Variants in NTRK1 observed in about 807,000 individuals in gnomAD.
NTRK1 encodes neurotrophic receptor tyrosine kinase 1, also known as high affinity nerve growth factor receptor.
A neutral mutation model predicts 86.8 loss-of-function variants in NTRK1; 62 were observed. The observed-to-expected ratio is 0.71, with a 90% CI of 0.58 to 0.88. The LOEUF (loss-of-function observed/expected upper bound fraction) is 0.88, where lower values mean the gene tolerates loss of function less well. Among genes scored for constraint, NTRK1 ranks in the 40% least tolerant of loss-of-function variants. The probability of loss-of-function intolerance (pLI) is 0.00; values close to 1 mark genes in which losing one functional copy is unlikely to be tolerated. For missense variants in NTRK1, 967 were observed against 1,078.4 expected (o/e 0.90, Z 1.45); for synonymous variants, 469 against 456.6 (o/e 1.03, Z -0.35).
At chr1:156,822,033 C>T (rs577483793) in intron 1 of NTRK1, among the ~76,000 whole-genome samples, 16 of 152,306 alleles carry the variant, frequency 1.1e-4, no homozygotes, top group African/African-American at 3.8e-4. Context: ...GCTTTGACGT[C>T]AGGCAGCTCT....
At position 156,854,258 on chromosome 1, in the gene NTRK1, T is replaced by C; in HGVS notation, c.51-10096T>C. The C allele has an allele frequency of 3.7e-6, 6 of 1,613,660 alleles. No individual in the cohort carries two copies. Among genetic ancestry groups the C allele is most frequent in the Non-Finnish European group, 5.1e-6 (6 of 1,179,958 alleles). On this transcript the variant is annotated intron_variant, in intron 2 of 16. Coordinates refer to the NTRK1 transcript ENST00000392302. The surrounding 1 kb of genome is among the most constrained non-coding windows in gnomAD (Gnocchi z 4.2). ...CTCCACCACGCTGCAGTTCTCCAGC[T>C]GACGAAGCTCTGCCACCTCTGAGCG...
chr1:156,841,639 A>G, intron 1 of NTRK1: 1 of 1,611,934 alleles, frequency 6.2e-7, no homozygotes, highest in Non-Finnish European at 8.5e-7. Flanking sequence ...ACATCCCTGG[A>G]GCCCTGTGCT....
intron 1 of NTRK1, among the ~76,000 whole-genome samples, chr1:156,835,866 C>A (rs1654585487): frequency 6.6e-6 from 1 of 152,222 alleles, no homozygotes; most frequent in Admixed American, 6.5e-5. Flanking sequence ...GGTACCCCTG[C>A]CTCCTTCACA....
At chr1:156,859,852 C>A (rs570847390), upstream of NTRK1, among the ~76,000 whole-genome samples, 4 of 152,258 alleles carry the variant, frequency 2.6e-5, no homozygotes, top group South Asian at 6.2e-4. The surrounding 1 kb of genome is among the most constrained non-coding windows in gnomAD (Gnocchi z 6.2). Context: ...CTTCCCTTCG[C>A]TCTCCCCAGC....
chr1:156,845,940 G>C, intron 2 of NTRK1: 5 of 1,609,080 alleles, frequency 3.1e-6, no homozygotes, highest in Non-Finnish European at 4.2e-6. Flanking sequence ...CCTGCGCGTC[G>C]TCCCTGCGCA....
intron 2 of NTRK1, among the ~76,000 whole-genome samples, chr1:156,848,066 T>TG (rs1268926400): frequency 1.3e-5 from 2 of 151,990 alleles, no homozygotes; most frequent in East Asian, 1.9e-4. Flanking sequence ...TCAGAATCAG[T>TG]GGGGGGCGAG....
intron 2 of NTRK1, chr1:156,844,574 T>A (rs1015488262): frequency 6.2e-7 from 1 of 1,613,908 alleles, no homozygotes; most frequent in African/African-American, 1.3e-5. Context: ...CCAGGTGGAC[T>A]CCCCCAAACT....
chr1:156,840,608 G>A (rs1312983491), intron 1 of NTRK1: 2 of 527,040 alleles, frequency 3.8e-6, no homozygotes, highest in Non-Finnish European at 6.9e-6. Context: ...ACCTCTGAGG[G>A]CAGGACATCT....
At chr1:156,842,040 T>A in intron 1 of NTRK1, 1 of 1,599,198 alleles carries the variant, frequency 6.3e-7, no homozygotes, top group Non-Finnish European at 8.5e-7. Context: ...GGGCTGTGGG[T>A]CTCCTGATGC....
Position 156,823,344 on chromosome 1 carries a change from G to T in NTRK1, c.-64+7506G>T, listed in dbSNP as rs529979813. Among the ~76,000 whole-genome samples, 8 of 152,306 alleles carry T rather than the reference G, an allele frequency of 5.3e-5. No individual in the cohort carries two copies. In the South Asian group the frequency reaches 1.5e-3, roughly 28 times the overall value. On this transcript the variant is annotated intron_variant, in intron 1 of 16. Coordinates refer to the NTRK1 transcript ENST00000392302. The stretch of plus-strand genomic sequence containing the variant: ...TCCACAAAGGGGTTTTCCCCAGATG[G>T]TGCCTTCCTGAGCCTTCAACAGGCC...
Position 156,868,167 on chromosome 1 carries a change from G to C in NTRK1, c.492G>C (p.Glu164Asp). 1 of 1,613,872 alleles carries C rather than the reference G, an allele frequency of 6.2e-7. No individual in the cohort carries two copies. Among genetic ancestry groups the C allele is most frequent in the Non-Finnish European group, 8.5e-7 (1 of 1,180,044 alleles). The change falls in exon 5 of 17, where the codon GAG becomes GAC. Residue 164 changes from glutamate to aspartate, a missense_variant. By Grantham distance (45) the Glu-to-Asp change is conservative. Around this residue, in one of 2 missense-constraint regions of NTRK1, gnomAD observed 330 missense variants for 302.0 expected, o/e 1.09. Coordinates refer to ENST00000524377, the MANE Select transcript of NTRK1 (RefSeq NM_002529.4). ...CALRWLQRWE[E>D]EGLGGVPEQK... ...TGCGCTGGCTACAGCGCTGGGAGGA[G>C]GAGGGACTGGGCGGAGTGCCTGAAC...
At chr1:156,879,921 G>A (rs2102926613) in intron 15 of NTRK1, 78 bp from the exon 16 acceptor site, 1 of 1,569,980 alleles carries the variant, frequency 6.4e-7, no homozygotes, top group South Asian at 1.1e-5. Flanking sequence ...TATTTTTAAT[G>A]ATGGGGCTGG....
Position 156,875,695 on chromosome 1 carries a change from G to C in NTRK1, c.1501+29G>C, listed in dbSNP as rs1467003586. ...AGGGGCTATGCTGGGTCAAGGGCAG[G>C]GACGAGTGTGTGTGTGTGTGTGTGT... is the stretch of plus-strand genomic sequence containing the variant. On this transcript the variant is annotated intron_variant, in intron 12 of 16. Coordinates refer to ENST00000524377, the MANE Select transcript of NTRK1 (RefSeq NM_002529.4). 6 of 1,584,570 alleles carry C rather than the reference G, an allele frequency of 3.8e-6. No homozygotes were observed. In the South Asian group the frequency reaches 6.7e-5, roughly 18 times the overall value.
At chr1:156,839,098 A>G (rs1214115182) in intron 1 of NTRK1, among the ~76,000 whole-genome samples, 1 of 152,190 alleles carries the variant, frequency 6.6e-6, no homozygotes, top group African/African-American at 2.4e-5. Flanking sequence ...TCAGTCACCA[A>G]TGCAGGGCAG....
chr1:156,834,783 TG>T (rs1185877644), intron 1 of NTRK1, among the ~76,000 whole-genome samples: 1 of 147,388 alleles, frequency 6.8e-6, no homozygotes, highest in Non-Finnish European at 1.5e-5. Flanking sequence ...GGAGTGGCTC[TG>T]GGGGAGGAGA....
chr1:156,860,862 G>C (rs533688281), upstream of NTRK1: 13 of 1,382,414 alleles, frequency 9.4e-6, no homozygotes, highest in African/African-American at 1.5e-5. Flanking sequence ...CGCACATGTC[G>C]GGGGAGGCCT....
chr1:156,824,379 C>A (rs1332909793), intron 1 of NTRK1, among the ~76,000 whole-genome samples: 1 of 152,160 alleles, frequency 6.6e-6, no homozygotes, highest in Non-Finnish European at 1.5e-5. Context: ...CCTCTACCCA[C>A]CCCTGCCCAG....
chr1:156,878,356 C>T (rs1285869115), intron 14 of NTRK1, among the ~76,000 whole-genome samples: 1 of 152,176 alleles, frequency 6.6e-6, no homozygotes, highest in Non-Finnish European at 1.5e-5. Flanking sequence ...CTGGCTTTTT[C>T]CATTCCCACC....
chr1:156,849,406 C>T (rs547477076), intron 2 of NTRK1: 1 of 1,613,796 alleles, frequency 6.2e-7, no homozygotes, highest in South Asian at 1.1e-5. Flanking sequence ...CCGCGGCCAC[C>T]CAGGACCCTA....
Sources: gnomAD v4.1 joint callset for allele counts (sites outside exome capture counted in the v4.1 genomes callset) on GRCh38, gnomAD v4.1.1 for gene constraint, gnomAD v4.1.1 regional missense constraint, Gnocchi (gnomAD v3.1) non-coding constraint, MANE v1.5 for transcripts, NCBI Gene and HGNC (gene_info 2026-07-23, HGNC 2026-07-21) for gene names.